LYRM7: variants seen among roughly 807,000 people sequenced by gnomAD.
LYRM7 encodes complex III assembly factor LYRM7.
A neutral mutation model predicts 15.8 loss-of-function variants in LYRM7; 9 were observed. The ratio of observed to expected loss-of-function variants is 0.57; its 90% CI spans 0.34 to 0.99. The LOEUF is 0.99. Among genes scored for constraint, LYRM7 ranks in the 50% least tolerant of loss-of-function variants. LYRM7 has a pLI of 0.02. For missense variants in LYRM7, 115 were observed against 119.1 expected, an observed-to-expected ratio of 0.97 and a Z score of 0.16; for synonymous variants, 39 against 39.4, an observed-to-expected ratio of 0.99 and a Z score of 0.04.
chr5:131,171,109 T>G, intron 1 of LYRM7, 71 bp downstream of exon 1: 2 of 1,388,588 alleles, frequency 1.4e-6, no homozygotes, highest in Admixed American at 3.7e-5. Context: ...GAGAAAACTG[T>G]CTGGAGTCTC....
chr5:131,184,496 G>A (rs1409406899), intron 3 of LYRM7, among the ~76,000 whole-genome samples: 1 of 152,084 alleles, frequency 6.6e-6, no homozygotes, highest in Non-Finnish European at 1.5e-5. Context: ...CATAAGCCAC[G>A]TAATTGTGAA....
chr5:131,203,899 A>G lies in LYRM7; in HGVS notation c.*4298A>G, dbSNP rs1433227997. 6.6e-6 allele frequency: 1 copy of G among 152,368 alleles called. No individual in the cohort carries two copies. Among genetic ancestry groups the G allele is most frequent in the Non-Finnish European group, 1.5e-5 (1 of 68,042 alleles). 9.4% of individuals were successfully genotyped at this position (152,368 alleles called of 1,614,324 possible). ...CAATGGAAAGATAGGCAAATGATAC[A>G]AATAAGAAATTCACAAAAGAAGAAA... On this transcript the variant is annotated 3_prime_UTR_variant, in exon 5 of 5. Coordinates refer to ENST00000379380, the MANE Select transcript of LYRM7 (RefSeq NM_181705.4).
chr5:131,182,446 A>G, intron 3 of LYRM7, 147 bp downstream of exon 3: 1 of 756,094 alleles, frequency 1.3e-6, no homozygotes, highest in Non-Finnish European at 1.9e-6. Context: ...CTTATTTGGT[A>G]TGGCTCACCT....
At chr5:131,186,919 C>A in intron 3 of LYRM7, 109 bp from the exon 4 acceptor site, 1 of 651,298 alleles carries the variant, frequency 1.5e-6, no homozygotes, top group Middle Eastern at 4.0e-4. Flanking sequence ...TAAGGAGAAA[C>A]TACTGTATTA....
At chr5:131,174,586 C>T (rs1021843929) in intron 1 of LYRM7, among the ~76,000 whole-genome samples, 1 of 152,182 alleles carries the variant, frequency 6.6e-6, no homozygotes, top group Non-Finnish European at 1.5e-5. Context: ...CTGGCTCACA[C>T]CTCTAATCCC....
Position 131,205,011 on chromosome 5 carries a change from A to C in LYRM7, c.*5410A>C, listed in dbSNP as rs942476553. 6.6e-6 allele frequency: 1 copy of C among 152,174 alleles called. No homozygotes were observed. Among genetic ancestry groups the C allele is most frequent in the Non-Finnish European group, 1.5e-5 (1 of 68,032 alleles). The allele number at this position is 152,174 out of a possible 1,614,324, so 9.4% of individuals were successfully genotyped here. On this transcript the variant is annotated 3_prime_UTR_variant, in exon 5 of 5. Transcript: ENST00000379380. ...TAAGCTACTAGTGATTTTTAATATA[A>C]AATTAACTATAAAATATTTTAAATA...
At chr5:131,177,382 A>G (rs567927791) in intron 1 of LYRM7, among the ~76,000 whole-genome samples, 37 of 152,048 alleles carry the variant, frequency 2.4e-4, no homozygotes, top group Non-Finnish European at 4.7e-4. Context: ...TCATTTCCTT[A>G]TTTTGGTGGA....
At chr5:131,188,083 C>T (rs1024705951) in intron 4 of LYRM7, among the ~76,000 whole-genome samples, 1 of 151,716 alleles carries the variant, frequency 6.6e-6, no homozygotes, top group Non-Finnish European at 1.5e-5. Flanking sequence ...ATGAAAAAAC[C>T]CCGCCTCTAC....
intron 4 of LYRM7, among the ~76,000 whole-genome samples, chr5:131,189,437 C>T (rs969403882): frequency 5.1e-5 from 5 of 97,298 alleles, no homozygotes; most frequent in Middle Eastern, 7.9e-3. Context: ...AGCAAGACTC[C>T]GTCTCCCAAA....
At chr5:131,172,585 T>C (rs2149658337) in intron 1 of LYRM7, among the ~76,000 whole-genome samples, 1 of 152,294 alleles carries the variant, frequency 6.6e-6, no homozygotes, top group East Asian at 1.9e-4. Context: ...TTAAGTAGGA[T>C]TCATTCCAAA....
chr5:131,197,608 T>G (rs1755987737), intron 4 of LYRM7, among the ~76,000 whole-genome samples: 2 of 145,906 alleles, frequency 1.4e-5, no homozygotes, highest in South Asian at 4.4e-4. Flanking sequence ...GTAGCATAAT[T>G]ATTGCTCACT....
intron 1 of LYRM7, among the ~76,000 whole-genome samples, chr5:131,172,618 A>T (rs1489132350): frequency 2.0e-5 from 3 of 152,202 alleles, no homozygotes; most frequent in Non-Finnish European, 4.4e-5. Context: ...AGAGCCTACA[A>T]TATATAGAAG....
intron 4 of LYRM7, among the ~76,000 whole-genome samples, chr5:131,191,375 A>G (rs1755884002): frequency 6.6e-6 from 1 of 152,138 alleles, no homozygotes; most frequent in African/African-American, 2.4e-5. Context: ...TGTGTTTCTA[A>G]AAAATATAAT....
chr5:131,172,830 A>T (rs1274151439), intron 1 of LYRM7, among the ~76,000 whole-genome samples: 1 of 152,178 alleles, frequency 6.6e-6, no homozygotes, highest in Non-Finnish European at 1.5e-5. Flanking sequence ...TCAGATTCAA[A>T]CTCATCTGAC....
chr5:131,192,369 GTAACTATAA>G (rs1755900812), intron 4 of LYRM7, among the ~76,000 whole-genome samples: 2 of 152,062 alleles, frequency 1.3e-5, no homozygotes, highest in Non-Finnish European at 2.9e-5. Context: ...GCACTGTAGG[GTAACTATAA>G]TTAACAATTT....
At chr5:131,195,466 C>T (rs1002446630) in intron 4 of LYRM7, among the ~76,000 whole-genome samples, 2 of 152,108 alleles carry the variant, frequency 1.3e-5, no homozygotes, top group African/African-American at 2.4e-5. Context: ...TTCTTATCCA[C>T]TAAAACTAAA....
chr5:131,183,938 G>A (rs1755752033), intron 3 of LYRM7, among the ~76,000 whole-genome samples: 1 of 152,068 alleles, frequency 6.6e-6, no homozygotes. Flanking sequence ...AATGTAGTGA[G>A]AAGAGTGGTA....
intron 1 of LYRM7, among the ~76,000 whole-genome samples, chr5:131,177,840 C>T (rs1580692735): frequency 6.6e-6 from 1 of 151,982 alleles, no homozygotes; most frequent in Admixed American, 6.6e-5. Context: ...TCTTGTTGGC[C>T]CTTCTGCTAA....
intron 4 of LYRM7, 81 bp from the exon 5 acceptor site, chr5:131,199,450 A>G (rs1756021990): frequency 3.1e-6 from 3 of 970,386 alleles, no homozygotes; most frequent in South Asian, 3.5e-5. Flanking sequence ...ACTATTTTAA[A>G]TTTTAGGGGG....
Sources: gnomAD v4.1 joint callset for allele counts (sites outside exome capture counted in the v4.1 genomes callset) on GRCh38, gnomAD v4.1.1 for gene constraint, MANE v1.5 for transcripts, NCBI Gene and HGNC (gene_info 2026-07-23, HGNC 2026-07-21) for gene names.